Variants in NBAS observed in about 807,000 individuals in gnomAD.
NBAS encodes NBAS subunit of NRZ tethering complex.
NBAS carries 219 observed loss-of-function variants against 302.5 expected under a neutral mutation model. That is an observed-to-expected ratio of 0.72 (90% CI 0.65 to 0.81). The LOEUF (loss-of-function observed/expected upper bound fraction) is 0.81. Ranked by LOEUF, NBAS falls within the 30% of genes least tolerant of loss-of-function variation. NBAS has a pLI of 0.00. For synonymous variants in NBAS, 1,118 were observed against 1,021.6 expected, an observed-to-expected ratio of 1.09 and a Z score of -1.80; for missense variants, 2,932 against 2,841.6, an observed-to-expected ratio of 1.03 and a Z score of -0.72.
At chr2:15,353,916 T>C (rs1313753101) in intron 33 of NBAS, among the ~76,000 whole-genome samples, 3 of 152,210 alleles carry the variant, frequency 2.0e-5, no homozygotes, top group Non-Finnish European at 2.9e-5. Flanking sequence ...AGTTCAATGC[T>C]ACTCTAAACA....
chr2:15,252,643 G>T (rs1488449610), intron 44 of NBAS, among the ~76,000 whole-genome samples: 1 of 151,728 alleles, frequency 6.6e-6, no homozygotes, highest in Non-Finnish European at 1.5e-5. Flanking sequence ...AAAAAATCAG[G>T]GTTTACAAAC....
At chr2:14,965,297 T>A in the NBAS span, among the ~76,000 whole-genome samples, 1 of 152,092 alleles carries the variant, frequency 6.6e-6, no homozygotes, top group Non-Finnish European at 1.5e-5. Flanking sequence ...CTACCCAGAC[T>A]GGTTAGTTAG....
the NBAS span, among the ~76,000 whole-genome samples, chr2:15,000,145 G>A: frequency 6.6e-6 from 1 of 152,162 alleles, no homozygotes; most frequent in Admixed American, 6.5e-5. Context: ...GTACATGTGG[G>A]CGGTGAGATT....
chr2:15,445,579 A>G (rs1013418346), intron 21 of NBAS, among the ~76,000 whole-genome samples: 99 of 151,708 alleles, frequency 6.5e-4, no homozygotes, highest in African/African-American at 2.4e-3. Flanking sequence ...TGGGTGCAGC[A>G]CACCAGCATG....
the NBAS span, among the ~76,000 whole-genome samples, chr2:14,842,775 G>A: frequency 6.8e-6 from 1 of 146,522 alleles, no homozygotes; most frequent in Non-Finnish European, 1.5e-5. Context: ...CAAAAACATT[G>A]AAGAGGAAGA....
chr2:15,427,904 A>C (rs1395865346), intron 21 of NBAS, 110 bp from the exon 22 acceptor site: 1 of 810,722 alleles, frequency 1.2e-6, no homozygotes, highest in Non-Finnish European at 2.1e-6. Context: ...TCTAAGATTC[A>C]TGCTTATAGT....
intron 44 of NBAS, among the ~76,000 whole-genome samples, chr2:15,251,820 A>G (rs1417292793): frequency 2.6e-5 from 4 of 152,002 alleles, no homozygotes; most frequent in African/African-American, 9.7e-5. Flanking sequence ...TCTTGTGCCG[A>G]CTTCCTGTCT....
At chr2:15,363,231 T>C (rs537713904) in intron 32 of NBAS, among the ~76,000 whole-genome samples, 182 of 152,284 alleles carry the variant, frequency 1.2e-3, no homozygotes, top group African/African-American at 4.0e-3. Flanking sequence ...CCAATCCCCA[T>C]AGTAGTAAAA....
the NBAS span, among the ~76,000 whole-genome samples, chr2:14,923,709 C>T: frequency 1.3e-5 from 2 of 152,172 alleles, no homozygotes; most frequent in Admixed American, 6.5e-5. Flanking sequence ...TTCAAGTGGC[C>T]TGGCCCCACA....
chr2:15,029,815 G>A, the NBAS span, among the ~76,000 whole-genome samples: 1 of 152,184 alleles, frequency 6.6e-6, no homozygotes, highest in Non-Finnish European at 1.5e-5. Context: ...CTGCCTGGGA[G>A]GCATTGTCTG....
chr2:15,364,255 G>A lies in NBAS; in HGVS notation c.3817+2325C>T, dbSNP rs1346483229. Among the ~76,000 whole-genome samples, 6 of 152,162 alleles carry A rather than the reference G, an allele frequency of 3.9e-5. No individual in the cohort carries two copies. The East Asian group carries it at 5.8e-4, about 15-fold the overall frequency. ...GATTTGAAAATGCCTTGAAGCAGCC[G>A]GGCACAGTGGTCACGCCTGTAATCC... is the stretch of plus-strand genomic sequence containing the variant. On this transcript the variant is annotated intron_variant, in intron 32 of 51. Transcript: ENST00000281513.
At chr2:14,924,273 A>C in the NBAS span, among the ~76,000 whole-genome samples, 1 of 152,242 alleles carries the variant, frequency 6.6e-6, no homozygotes, top group East Asian at 1.9e-4. Context: ...GAGATGATGT[A>C]AGAGATTTCA....
the NBAS span, among the ~76,000 whole-genome samples, chr2:14,874,879 C>T: frequency 6.6e-6 from 1 of 152,032 alleles, no homozygotes; most frequent in Non-Finnish European, 1.5e-5. Flanking sequence ...ATTCACTCTA[C>T]TAAGAAACTA....
At chr2:15,491,718 AGAGT>A (rs1025736986) in intron 11 of NBAS, among the ~76,000 whole-genome samples, 2 of 152,082 alleles carry the variant, frequency 1.3e-5, no homozygotes, top group Non-Finnish European at 2.9e-5. Context: ...CCTGGGCGAC[AGAGT>A]GAGACTCCAT....
chr2:15,002,679 G>C, the NBAS span, among the ~76,000 whole-genome samples: 1 of 152,216 alleles, frequency 6.6e-6, no homozygotes, highest in African/African-American at 2.4e-5. Flanking sequence ...AGCCCTGCCC[G>C]GCGGGAAGGC....
intron 40 of NBAS, among the ~76,000 whole-genome samples, chr2:15,303,262 T>C (rs893327107): frequency 2.6e-5 from 4 of 152,104 alleles, no homozygotes; most frequent in Non-Finnish European, 4.4e-5. Context: ...AGATGGTGGG[T>C]TGATAGAAGC....
At chr2:14,865,988 T>G in the NBAS span, among the ~76,000 whole-genome samples, 1 of 152,150 alleles carries the variant, frequency 6.6e-6, no homozygotes, top group African/African-American at 2.4e-5. Flanking sequence ...AAGAAATTGT[T>G]TCCCTGGTCT....
At chr2:15,098,619 T>C in the NBAS span, among the ~76,000 whole-genome samples, 3 of 119,846 alleles carry the variant, frequency 2.5e-5, no homozygotes, top group South Asian at 2.6e-4. Context: ...TATAATGTAT[T>C]ATATATTGTA....
In NBAS at chr2:15,534,688, T is replaced by C. The variant is rs200619242; in HGVS notation, c.648-47A>G. 4.0e-5 allele frequency: 51 copies of C among 1,275,420 alleles called. No individual in the cohort carries two copies. The East Asian group carries it at 1.0e-3, about 25-fold the overall frequency. The allele number at this position is 1,275,420 out of a possible 1,614,324, so 79.0% of individuals were successfully genotyped here. ...AGAAGTAAATACCATTAAACCACAA[T>C]GAATATCACTAAATACCCAATAAAA... On this transcript the variant is annotated intron_variant, in intron 8 of 51. Transcript: ENST00000281513.
Sources: gnomAD v4.1 joint callset for allele counts (sites outside exome capture counted in the v4.1 genomes callset) on GRCh38, gnomAD v4.1.1 for gene constraint, MANE v1.5 for transcripts, NCBI Gene and HGNC (gene_info 2026-07-23, HGNC 2026-07-21) for gene names.